Variants in DTHD1 observed in about 807,000 individuals in gnomAD.
DTHD1 encodes death domain containing 1.
Under a neutral mutation model 74.8 loss-of-function variants are expected in DTHD1, and 59 were observed. The ratio of observed to expected loss-of-function variants is 0.79; its 90% CI spans 0.64 to 0.98. The LOEUF is 0.98. Among genes scored for constraint, DTHD1 ranks in the 50% least tolerant of loss-of-function variants. The pLI is 0.00. For synonymous variants in DTHD1, 365 were observed against 371.1 expected, an observed-to-expected ratio of 0.98 and a Z score of 0.19; for missense variants, 1,051 against 1,065.4, an observed-to-expected ratio of 0.99 and a Z score of 0.19.
chr4:36,284,720 C>T, intron 2 of DTHD1, 129 bp downstream of exon 2: 4 of 767,184 alleles, frequency 5.2e-6, no homozygotes, highest in Non-Finnish European at 7.8e-6. Context: ...TTTTAAACAA[C>T]AGATATTTAT....
In DTHD1 at chr4:36,281,643, C is replaced by T. The variant is rs1755403814; in HGVS notation, c.-116C>T. The T allele has an allele frequency of 2.4e-6, 3 of 1,229,670 alleles. No homozygotes were observed. Among genetic ancestry groups the T allele is most frequent in the South Asian group, 8.5e-5 (2 of 23,660 alleles). 76.2% of individuals were successfully genotyped at this position (1,229,670 alleles called of 1,614,324 possible). ...CACTATGTTGTGAGAAAGTGCTGGG[C>T]TAGCTGACTCGGATCATCTCCTAGA... On this transcript the variant is annotated 5_prime_UTR_variant, in exon 1 of 10. Coordinates refer to ENST00000639862, the MANE Select transcript of DTHD1 (RefSeq NM_001170700.3).
intron 7 of DTHD1, among the ~76,000 whole-genome samples, chr4:36,313,056 C>T (rs921208535): frequency 1.4e-4 from 22 of 152,054 alleles, no homozygotes; most frequent in African/African-American, 4.8e-4. Context: ...TCTGGTTTCC[C>T]GGACTGCTAG....
In DTHD1 at chr4:36,344,051, A is replaced by G. The variant is rs1300683108; in HGVS notation, c.*227A>G. 1.4e-5 allele frequency: 7 copies of G among 510,016 alleles called. No individual in the cohort carries two copies. The highest frequency in any genetic ancestry group is 9.5e-5 in the African/African-American group (5 of 52,472). 31.6% of individuals were successfully genotyped at this position (510,016 alleles called of 1,614,324 possible). A position where few individuals can be genotyped will look rare whatever the true frequency, so the allele number is the denominator to read the frequency against. ...TGAGTGATTATGTTTTGCAACCATGACTGTCTTGAGTTTGGCCTCACTTAA... is the reference window on the plus strand; with the variant it reads ...TGAGTGATTATGTTTTGCAACCATGGCTGTCTTGAGTTTGGCCTCACTTAA... On this transcript the variant is annotated 3_prime_UTR_variant, in exon 10 of 10. Transcript: ENST00000639862.
intron 2 of DTHD1, among the ~76,000 whole-genome samples, chr4:36,285,491 C>A (rs1755647690): frequency 6.6e-6 from 1 of 152,026 alleles, no homozygotes; most frequent in Non-Finnish European, 1.5e-5. Flanking sequence ...ATCAGATTCT[C>A]TAGGAGACCA....
At chr4:36,305,759 C>A (rs1047308637) in intron 5 of DTHD1, among the ~76,000 whole-genome samples, 4 of 152,128 alleles carry the variant, frequency 2.6e-5, no homozygotes, top group East Asian at 1.9e-4. Context: ...GCTATACAAC[C>A]ACTCTTTGCT....
At chr4:36,328,147 A>G (rs1005460072) in intron 8 of DTHD1, among the ~76,000 whole-genome samples, 11 of 152,362 alleles carry the variant, frequency 7.2e-5, no homozygotes, top group African/African-American at 2.4e-4. Flanking sequence ...CACTGCTTCC[A>G]TGATTGGTAG....
intron 8 of DTHD1, among the ~76,000 whole-genome samples, chr4:36,325,982 T>C (rs967753048): frequency 6.6e-6 from 1 of 152,156 alleles, no homozygotes; most frequent in Non-Finnish European, 1.5e-5. Context: ...TGGATGTCTA[T>C]TGATTAAAAG....
At chr4:36,284,666 A>G in intron 2 of DTHD1, 75 bp downstream of exon 2, 1 of 1,129,974 alleles carries the variant, frequency 8.8e-7, no homozygotes, top group Non-Finnish European at 1.2e-6. Flanking sequence ...TACATGTCTT[A>G]GTTCATTCAG....
chr4:36,338,937 T>G (rs1417503257), intron 8 of DTHD1, among the ~76,000 whole-genome samples, 175 bp from the exon 9 acceptor site: 2 of 152,214 alleles, frequency 1.3e-5, no homozygotes, highest in African/African-American at 4.8e-5. Flanking sequence ...ATACTTGGCT[T>G]TATCTTAGGA....
chr4:36,297,321 T>G (rs1254606115), intron 5 of DTHD1, among the ~76,000 whole-genome samples: 2 of 152,214 alleles, frequency 1.3e-5, no homozygotes, highest in Non-Finnish European at 1.5e-5. Flanking sequence ...TTTAGATTGA[T>G]TATTCCATCA....
In DTHD1 at chr4:36,307,528, C is replaced by T. The variant is rs571332214; in HGVS notation, c.1806-676C>T. Among the ~76,000 whole-genome samples, 7 of 152,306 alleles carry T rather than the reference C, an allele frequency of 4.6e-5. 1 individual carries two copies. The South Asian group carries it at 1.5e-3, about 32-fold the overall frequency. ...CCTTATCTCCAAATAAGGTCACATT[C>T]TGAGGTACTAGGGGATAGTACTTCA... On this transcript the variant is annotated intron_variant, in intron 6 of 9. Transcript: ENST00000639862.
intron 1 of DTHD1, 150 bp from the exon 2 acceptor site, chr4:36,283,826 T>A: frequency 1.6e-6 from 1 of 612,826 alleles, no homozygotes; most frequent in Non-Finnish European, 2.8e-6. Flanking sequence ...ATACAATTAC[T>A]TCTCCTTCAG....
At chr4:36,324,269 C>G (rs1254186560) in intron 8 of DTHD1, among the ~76,000 whole-genome samples, 1 of 151,968 alleles carries the variant, frequency 6.6e-6, no homozygotes, top group Non-Finnish European at 1.5e-5. Flanking sequence ...TGGCCCCTCT[C>G]AACGCCTCCC....
Position 36,345,408 on chromosome 4 carries a change from G to GA in DTHD1, c.*1588dup, listed in dbSNP as rs1423711046. 6.6e-6 allele frequency: 1 copy of GA among 152,150 alleles called. No individual in the cohort carries two copies. The highest frequency in any genetic ancestry group is 2.4e-5 in the African/African-American group (1 of 41,442). 9.4% of individuals were successfully genotyped at this position (152,150 alleles called of 1,614,324 possible). On this transcript the variant is annotated 3_prime_UTR_variant, in exon 10 of 10. Coordinates refer to ENST00000639862, the MANE Select transcript of DTHD1 (RefSeq NM_001170700.3). ...GCAAAAACCATTAGGTCGTTGGCTT[G>GA]AAAACATCGGTAGCAATTAGTTTCA...
chr4:36,318,752 C>T (rs907654526), intron 8 of DTHD1, among the ~76,000 whole-genome samples: 1 of 151,626 alleles, frequency 6.6e-6, no homozygotes, highest in Non-Finnish European at 1.5e-5. Context: ...GTAGCTGGGA[C>T]TACAGGCGCC....
chr4:36,323,216 A>G (rs1241678646), intron 8 of DTHD1, among the ~76,000 whole-genome samples: 1 of 152,192 alleles, frequency 6.6e-6, no homozygotes, highest in African/African-American at 2.4e-5. Flanking sequence ...GATTTCTAGT[A>G]AATAATGATA....
At chr4:36,328,960 CAGTT>C (rs1264518416) in intron 8 of DTHD1, among the ~76,000 whole-genome samples, 1 of 152,192 alleles carries the variant, frequency 6.6e-6, no homozygotes, top group African/African-American at 2.4e-5. Context: ...TTATCTCAGT[CAGTT>C]AGAGACTTCA....
intron 9 of DTHD1, among the ~76,000 whole-genome samples, chr4:36,341,738 A>G (rs981058666): frequency 6.6e-6 from 1 of 152,174 alleles, no homozygotes; most frequent in Non-Finnish European, 1.5e-5. Flanking sequence ...AAAAAAGACA[A>G]CATATTCTAA....
chr4:36,301,115 G>T (rs1305530235), intron 5 of DTHD1, among the ~76,000 whole-genome samples: 1 of 152,110 alleles, frequency 6.6e-6, no homozygotes, highest in Non-Finnish European at 1.5e-5. Flanking sequence ...TTTGAATATT[G>T]TTTATGAGGT....
Sources: allele counts gnomAD v4.1 joint callset (sites outside exome capture counted in the v4.1 genomes callset), GRCh38; gene constraint gnomAD v4.1.1; transcripts MANE v1.5; gene names NCBI Gene and HGNC (gene_info 2026-07-23, HGNC 2026-07-21).